The following TBC1D4 variants were observed in gnomAD, a reference collection of about 807,000 sequenced individuals.
TBC1D4 encodes the protein TBC (Tre-2, BUB2, CDC16) domain-containing protein.
A neutral mutation model predicts 142.5 loss-of-function variants in TBC1D4; 121 were observed. The observed-to-expected ratio is 0.85, with a 90% CI of 0.73 to 0.99. TBC1D4 has a LOEUF of 0.99. TBC1D4 is among the 50% of genes least tolerant of loss of function. The pLI is 0.00. For synonymous variants in TBC1D4, 630 were observed against 628.2 expected (o/e 1.00, Z -0.04); for missense variants, 1,475 against 1,606.6 (o/e 0.92, Z 1.40).
intron 13 of TBC1D4, among the ~76,000 whole-genome samples, chr13:75,311,180 T>C (rs1273958144): frequency 6.6e-6 from 1 of 152,228 alleles, no homozygotes; most frequent in Non-Finnish European, 1.5e-5. Flanking sequence ...TCCACTCAGA[T>C]TTCCAGCCTC....
chr13:75,297,309 C>T (rs554102849), intron 17 of TBC1D4, among the ~76,000 whole-genome samples: 2 of 152,224 alleles, frequency 1.3e-5, no homozygotes, highest in East Asian at 3.9e-4. Flanking sequence ...AAACTGATAG[C>T]TATTATCCTT....
intron 4 of TBC1D4, among the ~76,000 whole-genome samples, chr13:75,353,112 T>C (rs935828693): frequency 2.6e-5 from 4 of 152,148 alleles, no homozygotes; most frequent in African/African-American, 9.7e-5. Flanking sequence ...CAGCTTCAAG[T>C]AGTAGGAAGG....
At chr13:75,298,352 A>C (rs1876166557) in intron 17 of TBC1D4, among the ~76,000 whole-genome samples, 2 of 152,248 alleles carry the variant, frequency 1.3e-5, no homozygotes, top group Admixed American at 6.5e-5. Context: ...AGTGAAAACT[A>C]GGAGAGAAAT....
chr13:75,293,205 T>A (rs1188254503), intron 18 of TBC1D4, among the ~76,000 whole-genome samples: 2 of 152,150 alleles, frequency 1.3e-5, no homozygotes, highest in African/African-American at 4.8e-5. Flanking sequence ...AGTACTTTTT[T>A]ATGAAAGTTT....
intron 1 of TBC1D4, among the ~76,000 whole-genome samples, chr13:75,472,944 A>G (rs1448199119): frequency 6.6e-6 from 1 of 152,212 alleles, no homozygotes; most frequent in Non-Finnish European, 1.5e-5. Context: ...AAGGCAAGAG[A>G]TGAGTTGAAA....
chr13:75,422,825 A>G (rs147038712), intron 1 of TBC1D4, among the ~76,000 whole-genome samples: 1 of 152,318 alleles, frequency 6.6e-6, no homozygotes, highest in African/African-American at 2.4e-5. Context: ...ATTTGTCTAT[A>G]CAAGCAAAAC....
chr13:75,410,860 C>T (rs537756660), intron 1 of TBC1D4, among the ~76,000 whole-genome samples: 5,588 of 129,176 alleles, frequency 0.043, 142 homozygotes, highest in Middle Eastern at 0.13. Context: ...GGCGTGAACC[C>T]GGGAGGCGGA....
chr13:75,355,426 C>T (rs889893543), intron 4 of TBC1D4, among the ~76,000 whole-genome samples: 2 of 152,144 alleles, frequency 1.3e-5, no homozygotes, highest in African/African-American at 4.8e-5. Flanking sequence ...GATATATGTC[C>T]AAGCCTGCCT....
intron 1 of TBC1D4, among the ~76,000 whole-genome samples, chr13:75,408,638 G>T (rs1296616496): frequency 8.5e-5 from 13 of 152,116 alleles, no homozygotes; most frequent in Admixed American, 8.5e-4. Flanking sequence ...ACCTTTCAAA[G>T]AACTGCGAGA....
intron 4 of TBC1D4, among the ~76,000 whole-genome samples, chr13:75,350,927 C>T (rs1352341381): frequency 6.6e-6 from 1 of 152,038 alleles, no homozygotes. Flanking sequence ...TCCCAAATGA[C>T]CTATAAATTC....
At chr13:75,337,157 T>C in intron 7 of TBC1D4, 117 bp from the exon 8 acceptor site, 2 of 908,786 alleles carry the variant, frequency 2.2e-6, no homozygotes, top group Non-Finnish European at 3.4e-6. Context: ...AGTAGCTCTA[T>C]TAATAAGTAA....
intron 12 of TBC1D4, among the ~76,000 whole-genome samples, chr13:75,315,998 T>C (rs1878287712): frequency 6.6e-6 from 1 of 152,198 alleles, no homozygotes; most frequent in Non-Finnish European, 1.5e-5. Context: ...AAATACTTAT[T>C]TAAAAGCACT....
At chr13:75,360,788 C>A (rs748632046) in intron 2 of TBC1D4, among the ~76,000 whole-genome samples, 2 of 152,110 alleles carry the variant, frequency 1.3e-5, no homozygotes, top group Non-Finnish European at 1.5e-5. Flanking sequence ...ACTTTTGAAG[C>A]TGTACTTGTT....
chr13:75,404,356 A>G (rs961267082), intron 1 of TBC1D4, among the ~76,000 whole-genome samples: 2 of 152,220 alleles, frequency 1.3e-5, no homozygotes, highest in African/African-American at 4.8e-5. Context: ...CCTCTTCAGT[A>G]TGGACACCCA....
At chr13:75,387,813 C>T (rs909177287) in intron 1 of TBC1D4, among the ~76,000 whole-genome samples, 2 of 152,166 alleles carry the variant, frequency 1.3e-5, no homozygotes, top group East Asian at 3.8e-4. Context: ...GTAAAAGAGG[C>T]TAGTTCAGCT....
intron 1 of TBC1D4, among the ~76,000 whole-genome samples, chr13:75,419,094 C>CAA (rs1428402657): frequency 2.6e-5 from 4 of 152,268 alleles, no homozygotes; most frequent in South Asian, 2.1e-4. Context: ...CACACACACA[C>CAA]AAATGGAGAT....
chr13:75,345,813 C>T (rs951150161), intron 5 of TBC1D4, among the ~76,000 whole-genome samples: 1 of 152,016 alleles, frequency 6.6e-6, no homozygotes, highest in African/African-American at 2.4e-5. Flanking sequence ...TATGTCTACA[C>T]GGAGTCCTTT....
At chr13:75,332,038 C>T (rs182821030) in intron 8 of TBC1D4, among the ~76,000 whole-genome samples, 1 of 152,140 alleles carries the variant, frequency 6.6e-6, no homozygotes, top group African/African-American at 2.4e-5. Context: ...ACAGTATCCA[C>T]CTTGATCAAA....
chr13:75,337,970 G>A (rs558444239), intron 7 of TBC1D4, among the ~76,000 whole-genome samples: 1 of 152,296 alleles, frequency 6.6e-6, no homozygotes, highest in African/African-American at 2.4e-5. Flanking sequence ...GCAGTAGAAG[G>A]TAACACGAGA....
Sources: gnomAD v4.1 joint callset for allele counts (sites outside exome capture counted in the v4.1 genomes callset) on GRCh38, gnomAD v4.1.1 for gene constraint, MANE v1.5 for transcripts, NCBI Gene and HGNC (gene_info 2026-07-23, HGNC 2026-07-21) for gene names.